Variants in ATP2C2 observed in about 807,000 individuals in gnomAD.
ATP2C2 encodes the protein calcium-transporting ATPase type 2C member 2.
In ATP2C2, 171 loss-of-function variants were observed where a neutral mutation model predicts 110.8. The ratio of observed to expected loss-of-function variants is 1.54; its 90% confidence interval spans 1.36 to 1.75. The LOEUF is 1.75. ATP2C2 is among the 40% of genes most tolerant of loss of function. ATP2C2 has a pLI of 0.00. For missense variants in ATP2C2, 1,963 were observed against 1,235.0 expected, an observed-to-expected ratio of 1.59 and a Z score of -8.84; for synonymous variants, 804 against 508.4, an observed-to-expected ratio of 1.58 and a Z score of -7.82.
At chr16:84,427,673 C>G (rs1003634012) in intron 11 of ATP2C2, among the ~76,000 whole-genome samples, 2 of 152,104 alleles carry the variant, frequency 1.3e-5, no homozygotes, top group Non-Finnish European at 1.5e-5. Context: ...GCCGAGATTG[C>G]GCCACTGCCC....
chr16:84,411,588 T>C (rs975895586), intron 6 of ATP2C2, among the ~76,000 whole-genome samples: 2 of 152,040 alleles, frequency 1.3e-5, no homozygotes, highest in Admixed American at 6.6e-5. Context: ...ACTACAGGCA[T>C]GCACCACTAC....
chr16:84,456,290 T>C (rs1307061454), intron 21 of ATP2C2, among the ~76,000 whole-genome samples: 1 of 151,250 alleles, frequency 6.6e-6, no homozygotes, highest in Non-Finnish European at 1.5e-5. Context: ...CTATTGATTA[T>C]TGTCACAATT....
intron 11 of ATP2C2, among the ~76,000 whole-genome samples, chr16:84,436,889 A>G (rs1908793540): frequency 6.7e-6 from 1 of 149,866 alleles, no homozygotes; most frequent in African/African-American, 2.5e-5. Context: ...CAGCCTCCCG[A>G]GTAGCTGGGA....
chr16:84,375,013 AAT>A (rs1910168739), intron 1 of ATP2C2, among the ~76,000 whole-genome samples: 1 of 152,248 alleles, frequency 6.6e-6, no homozygotes, highest in Admixed American at 6.5e-5. Context: ...TTTGAGGGTT[AAT>A]ATAGACACCT....
At chr16:84,452,845 A>T (rs983021949) in intron 18 of ATP2C2, among the ~76,000 whole-genome samples, 1 of 152,042 alleles carries the variant, frequency 6.6e-6, no homozygotes, top group East Asian at 1.9e-4. Flanking sequence ...TGCTGGGAAA[A>T]GGTTCACGGG....
At chr16:84,461,855 G>A (rs373768905) in intron 25 of ATP2C2, 43 bp downstream of exon 25, 25 of 1,607,412 alleles carry the variant, frequency 1.6e-5, no homozygotes, top group Non-Finnish European at 2.0e-5. Flanking sequence ...GCTGCTGTGT[G>A]TTCTCGACAG....
At chr16:84,390,447 C>T (rs1323433686) in intron 1 of ATP2C2, among the ~76,000 whole-genome samples, 1 of 152,208 alleles carries the variant, frequency 6.6e-6, no homozygotes, top group Non-Finnish European at 1.5e-5. Context: ...CTCTTCTAGG[C>T]CGTTTCCTTG....
chr16:84,433,257 C>G (rs965135452), intron 11 of ATP2C2, among the ~76,000 whole-genome samples: 1 of 152,064 alleles, frequency 6.6e-6, no homozygotes, highest in Non-Finnish European at 1.5e-5. Context: ...GTGGTGCACG[C>G]TTGTAGCCCC....
In ATP2C2 at chr16:84,448,702, G is replaced by C. The variant is rs1909988139; in HGVS notation, c.1660+13G>C. 2 of 1,606,334 alleles carry C rather than the reference G, an allele frequency of 1.2e-6. No individual in the cohort carries two copies. The highest frequency in any genetic ancestry group is 1.7e-6 in the Non-Finnish European group (2 of 1,175,514). On this transcript the variant is annotated intron_variant, in intron 17 of 26. Transcript: ENST00000262429. The stretch of plus-strand genomic sequence containing the variant: ...CTCGGTTTGCGGGGTCAGTGCCTGT[G>C]GTCCCGGCCCAGAGCTTTAAGCTTG...
Position 84,454,901 on chromosome 16 carries a change from G to C in ATP2C2, c.2064G>C (p.Gly688=). Residue 688 remains glycine, a synonymous_variant, in exon 21 of 27, where the codon GGG becomes GGC. Transcript: ENST00000262429. ...TGGCCCTGAAGTCTGCAGACATTGGGATCGCCATGGGGCAGACAGGGACGG... is the reference window on the plus strand; with the variant it reads ...TGGCCCTGAAGTCTGCAGACATTGGCATCGCCATGGGGCAGACAGGGACGG... The part of the protein sequence containing the change: ...DAVALKSADI[G]IAMGQTGTDV... 1.2e-6 allele frequency: 2 copies of C among 1,614,068 alleles called. No homozygotes were observed. The highest frequency in any genetic ancestry group is 8.5e-7 in the Non-Finnish European group (1 of 1,179,992).
chr16:84,441,581 C>A lies in ATP2C2; in HGVS notation c.1311+623C>A, dbSNP rs1404733261. Among the ~76,000 whole-genome samples the A allele has an allele frequency of 2.6e-5, 4 of 152,260 alleles. No homozygotes were observed. The East Asian group carries it at 7.7e-4, about 29-fold the overall frequency. On this transcript the variant is annotated intron_variant, in intron 14 of 26. Transcript: ENST00000262429. Reference sequence around the variant, plus strand: ...CTTGCAAAGGACCTGCCTCCAGGGGCCACTTCACTATCACAGCAAACGCTG... The same window carrying A: ...CTTGCAAAGGACCTGCCTCCAGGGGACACTTCACTATCACAGCAAACGCTG...
At chr16:84,392,897 G>T (rs1904744616) in intron 1 of ATP2C2, among the ~76,000 whole-genome samples, 1 of 152,176 alleles carries the variant, frequency 6.6e-6, no homozygotes, top group South Asian at 2.1e-4. Flanking sequence ...CTGTCAACTG[G>T]TGGGTGGGCC....
rs552213581 is a variant in ATP2C2 at position 84,444,439 on chromosome 16, C to T, written c.1401+1840C>T. Among the ~76,000 whole-genome samples, 3 of 152,324 alleles carry T rather than the reference C, an allele frequency of 2.0e-5. No individual in the cohort carries two copies. The South Asian group carries it at 6.2e-4, about 32-fold the overall frequency. ...AGTGAGCCGAGATCGTACCATTGCA[C>T]TCCAGCCTGGGTGACAGAGCAAGAC... On this transcript the variant is annotated intron_variant, in intron 15 of 26. Coordinates refer to ENST00000262429, the MANE Select transcript of ATP2C2 (RefSeq NM_014861.4).
intron 26 of ATP2C2, among the ~76,000 whole-genome samples, chr16:84,463,278 G>A (rs923959454): frequency 6.6e-6 from 1 of 152,072 alleles, no homozygotes; most frequent in Non-Finnish European, 1.5e-5. Flanking sequence ...GGTCACTCAG[G>A]ACATTTGCAA....
At chr16:84,426,787 G>A (rs1567716016) in intron 11 of ATP2C2, among the ~76,000 whole-genome samples, 1 of 152,124 alleles carries the variant, frequency 6.6e-6, no homozygotes, top group African/African-American at 2.4e-5. Flanking sequence ...TAGAGCCCAA[G>A]GCCACACGCG....
At chr16:84,436,169 G>C (rs1038266126) in intron 11 of ATP2C2, among the ~76,000 whole-genome samples, 2 of 152,222 alleles carry the variant, frequency 1.3e-5, no homozygotes, top group Non-Finnish European at 2.9e-5. Flanking sequence ...GCCAGAAAAT[G>C]TGTTTTGTTT....
At chr16:84,426,705 C>G (rs1406806087) in intron 11 of ATP2C2, among the ~76,000 whole-genome samples, 1 of 152,164 alleles carries the variant, frequency 6.6e-6, no homozygotes, top group African/African-American at 2.4e-5. Flanking sequence ...TGAGTGTTGG[C>G]TCTTAATACT....
chr16:84,446,664 T>G (rs1328931052), intron 16 of ATP2C2, among the ~76,000 whole-genome samples: 1 of 152,192 alleles, frequency 6.6e-6, no homozygotes, highest in East Asian at 1.9e-4. Flanking sequence ...GCAGCGGTTG[T>G]TACCACGCGA....
At chr16:84,453,819 AAG>A (rs774467762) in intron 20 of ATP2C2, among the ~76,000 whole-genome samples, 1 of 151,702 alleles carries the variant, frequency 6.6e-6, no homozygotes, top group Non-Finnish European at 1.5e-5. Context: ...GAAAAACTAA[AAG>A]AGAAGCTATC....
Sources: gnomAD v4.1 joint callset for allele counts (sites outside exome capture counted in the v4.1 genomes callset) on GRCh38, gnomAD v4.1.1 for gene constraint, MANE v1.5 for transcripts, NCBI Gene and HGNC (gene_info 2026-07-23, HGNC 2026-07-21) for gene names.